Variants in ST6GALNAC3 observed in about 807,000 individuals in gnomAD.
The protein encoded by ST6GALNAC3 is alpha-N-acetylgalactosaminide alpha-2,6-sialyltransferase 3.
Under a neutral mutation model 32.7 loss-of-function variants are expected in ST6GALNAC3, and 25 were observed. The ratio of observed to expected loss-of-function variants is 0.76; its 90% confidence interval spans 0.56 to 1.07. The LOEUF is 1.07. Ranked by LOEUF, ST6GALNAC3 falls within the 50% of genes least tolerant of loss-of-function variation. The probability of loss-of-function intolerance (pLI) is 0.00; values close to 1 mark genes in which losing one functional copy is unlikely to be tolerated. For synonymous variants in ST6GALNAC3, 129 were observed against 133.1 expected (o/e 0.97, Z 0.21); for missense variants, 355 against 382.4 (o/e 0.93, Z 0.60).
At chr1:76,295,217 C>T (rs1194567516) in intron 1 of ST6GALNAC3, among the ~76,000 whole-genome samples, 1 of 151,974 alleles carries the variant, frequency 6.6e-6, no homozygotes, top group Non-Finnish European at 1.5e-5. Context: ...TAGGTATGTT[C>T]TTTGATATCA....
At chr1:76,312,563 T>G (rs1570782990) in intron 1 of ST6GALNAC3, among the ~76,000 whole-genome samples, 2 of 149,436 alleles carry the variant, frequency 1.3e-5, no homozygotes, top group South Asian at 4.2e-4. Flanking sequence ...ATGAAGAACT[T>G]AAACAAATTT....
intron 1 of ST6GALNAC3, among the ~76,000 whole-genome samples, chr1:76,197,503 T>G (rs1654272749): frequency 1.3e-5 from 2 of 152,030 alleles, no homozygotes; most frequent in Non-Finnish European, 2.9e-5. Context: ...GAAGGCTTTC[T>G]AGGGTAAGTG....
intron 2 of ST6GALNAC3, among the ~76,000 whole-genome samples, chr1:76,339,885 A>G (rs1162059022): frequency 2.6e-5 from 4 of 152,348 alleles, no homozygotes; most frequent in Non-Finnish European, 2.9e-5. Flanking sequence ...AATCATTCAG[A>G]GCAGGTTCTG....
At chr1:76,374,782 C>T (rs1283547360) in intron 2 of ST6GALNAC3, among the ~76,000 whole-genome samples, 1 of 152,074 alleles carries the variant, frequency 6.6e-6, no homozygotes, top group Non-Finnish European at 1.5e-5. Flanking sequence ...CACCCAGACC[C>T]ATATTAAATT....
At chr1:76,341,670 T>TTTCCTTCCTTCCTTCCTTCC (rs1648029812) in intron 2 of ST6GALNAC3, among the ~76,000 whole-genome samples, 1 of 142,400 alleles carries the variant, frequency 7.0e-6, no homozygotes, top group African/African-American at 2.7e-5. Context: ...TCTTTCTTTC[T>TTTCCTTCCTTCCTTCCTTCC]TTCTTTCTTT....
intron 2 of ST6GALNAC3, among the ~76,000 whole-genome samples, chr1:76,357,492 T>A (rs1353236900): frequency 6.6e-6 from 1 of 152,206 alleles, no homozygotes; most frequent in Non-Finnish European, 1.5e-5. Flanking sequence ...TTTATTTGGA[T>A]GGAAGATCTT....
chr1:76,596,844 ATTAG>A (rs928417198), intron 3 of ST6GALNAC3, among the ~76,000 whole-genome samples: 1 of 152,194 alleles, frequency 6.6e-6, no homozygotes, highest in African/African-American at 2.4e-5. Context: ...ATGGGATGCT[ATTAG>A]TTAGTCTCTT....
At chr1:76,482,428 T>A (rs1325579995) in intron 3 of ST6GALNAC3, among the ~76,000 whole-genome samples, 2 of 152,172 alleles carry the variant, frequency 1.3e-5, no homozygotes, top group Non-Finnish European at 2.9e-5. Context: ...CAACAAAGTG[T>A]GTAATTCACT....
intron 3 of ST6GALNAC3, among the ~76,000 whole-genome samples, chr1:76,439,389 A>G (rs895422891): frequency 6.6e-6 from 1 of 152,242 alleles, no homozygotes; most frequent in Non-Finnish European, 1.5e-5. Flanking sequence ...GTGTATACAA[A>G]TGAAAAAAGG....
chr1:76,349,149 G>A (rs1217318223), intron 2 of ST6GALNAC3, among the ~76,000 whole-genome samples: 1 of 152,144 alleles, frequency 6.6e-6, no homozygotes, highest in East Asian at 1.9e-4. Flanking sequence ...GCAAGTACCA[G>A]TGGTGTGTAT....
intron 1 of ST6GALNAC3, among the ~76,000 whole-genome samples, chr1:76,151,771 T>TG (rs1651058772): frequency 6.6e-6 from 1 of 152,054 alleles, no homozygotes; most frequent in African/African-American, 2.4e-5. Flanking sequence ...GGAAAACGGG[T>TG]GGGGCATCGA....
chr1:76,559,531 C>G (rs1665123082), intron 3 of ST6GALNAC3, among the ~76,000 whole-genome samples: 1 of 152,078 alleles, frequency 6.6e-6, no homozygotes, highest in Admixed American at 6.6e-5. Context: ...TAAACTTTGT[C>G]AAAATTAAAA....
intron 2 of ST6GALNAC3, among the ~76,000 whole-genome samples, chr1:76,314,809 G>A (rs1270522904): frequency 1.3e-5 from 2 of 152,080 alleles, no homozygotes; most frequent in Non-Finnish European, 2.9e-5. Flanking sequence ...GGTAACAAAG[G>A]TACAAGCTAC....
At chr1:76,477,534 A>G (rs1393190098) in intron 3 of ST6GALNAC3, among the ~76,000 whole-genome samples, 1 of 152,178 alleles carries the variant, frequency 6.6e-6, no homozygotes, top group Admixed American at 6.5e-5. Context: ...GACTTCTGGC[A>G]TCTCACCAAT....
intron 3 of ST6GALNAC3, among the ~76,000 whole-genome samples, chr1:76,592,880 G>A (rs1557607288): frequency 6.6e-6 from 1 of 152,122 alleles, no homozygotes; most frequent in Non-Finnish European, 1.5e-5. Context: ...TACATAACTT[G>A]GAATGGTGGG....
intron 1 of ST6GALNAC3, among the ~76,000 whole-genome samples, chr1:76,247,257 TCA>T (rs962698549): frequency 2.0e-5 from 3 of 152,210 alleles, no homozygotes; most frequent in Admixed American, 1.3e-4. Flanking sequence ...AGGAGGTCTC[TCA>T]CAGTCAGGAG....
At chr1:76,570,456 TA>T (rs1039071518) in intron 3 of ST6GALNAC3, among the ~76,000 whole-genome samples, 3 of 152,000 alleles carry the variant, frequency 2.0e-5, no homozygotes, top group Non-Finnish European at 2.9e-5. Flanking sequence ...CTTTTCTTTT[TA>T]AAAATTTTTC....
At chr1:76,581,849 C>A (rs1187127895) in intron 3 of ST6GALNAC3, among the ~76,000 whole-genome samples, 1 of 152,012 alleles carries the variant, frequency 6.6e-6, no homozygotes, top group Non-Finnish European at 1.5e-5. Context: ...ATTTCTAAAT[C>A]ATTGAGTTAG....
At chr1:76,196,867 A>G (rs942806681) in intron 1 of ST6GALNAC3, among the ~76,000 whole-genome samples, 1 of 151,656 alleles carries the variant, frequency 6.6e-6, no homozygotes, top group African/African-American at 2.4e-5. Flanking sequence ...ATTCATATCC[A>G]TGTATGGAAA....
Sources: gnomAD v4.1 joint callset for allele counts (sites outside exome capture counted in the v4.1 genomes callset) on GRCh38, gnomAD v4.1.1 for gene constraint, MANE v1.5 for transcripts, NCBI Gene and HGNC (gene_info 2026-07-23, HGNC 2026-07-21) for gene names.